The following LRBA variants were observed in gnomAD, a reference collection of about 807,000 sequenced individuals.
LRBA encodes lipopolysaccharide-responsive and beige-like anchor protein.
In LRBA, 176 loss-of-function variants were observed where a neutral mutation model predicts 330.0. That is an observed-to-expected ratio of 0.53 (90% confidence interval 0.47 to 0.60). The LOEUF (loss-of-function observed/expected upper bound fraction) is 0.60, where lower values mean the gene tolerates loss of function less well. Among genes scored for constraint, LRBA ranks in the 20% least tolerant of loss-of-function variants. The pLI, the probability that LRBA is intolerant of heterozygous loss-of-function variation, is 0.00. For synonymous variants in LRBA, 1,230 were observed against 1,193.0 expected, an observed-to-expected ratio of 1.03 and a Z score of -0.64; for missense variants, 3,259 against 3,444.8, an observed-to-expected ratio of 0.95 and a Z score of 1.35.
chr4:150,875,853 A>T (rs1490300569), intron 17 of LRBA, among the ~76,000 whole-genome samples: 2 of 152,360 alleles, frequency 1.3e-5, no homozygotes, highest in Middle Eastern at 3.4e-3. Context: ...CCATCAAAGG[A>T]TCACACTGGC....
chr4:150,832,852 C>T (rs1209769959), intron 28 of LRBA, among the ~76,000 whole-genome samples: 1 of 152,100 alleles, frequency 6.6e-6, no homozygotes, highest in East Asian at 1.9e-4. Flanking sequence ...TCACTGTACC[C>T]TTGAACTCCC....
chr4:150,992,727 G>C (rs1181215768), intron 2 of LRBA, among the ~76,000 whole-genome samples: 1 of 152,160 alleles, frequency 6.6e-6, no homozygotes, highest in Non-Finnish European at 1.5e-5. Flanking sequence ...AAGAACAAGT[G>C]ATCATCAATA....
chr4:150,717,675 G>GTAATAATAATAATAATAATAATAATAA lies in LRBA; in HGVS notation c.5754+17556_5754+17582dup, dbSNP rs10522737. Among the ~76,000 whole-genome samples the GTAATAATAATAATAATAATAATAATAA allele has an allele frequency of 7.2e-3, 1,005 of 139,742 alleles. 7 individuals are homozygous for GTAATAATAATAATAATAATAATAATAA. Among genetic ancestry groups the GTAATAATAATAATAATAATAATAATAA allele is most frequent in the Middle Eastern group, 0.026 (7 of 274 alleles). 91.7% of individuals were successfully genotyped at this position (139,742 alleles called of 152,430 possible). A position where few individuals can be genotyped will look rare whatever the true frequency, so the allele number is the denominator to read the frequency against. On this transcript the variant is annotated intron_variant, in intron 36 of 56. Coordinates refer to ENST00000651943, the MANE Select transcript of LRBA (RefSeq NM_001364905.1). ...ACTCTGTCTCAAAATAACAATAATA[G>GTAATAATAATAATAATAATAATAATAA]TAATAATAATAATAATAATAATAAT... is the stretch of plus-strand genomic sequence containing the variant.
intron 5 of LRBA, among the ~76,000 whole-genome samples, chr4:150,918,560 C>G (rs1477310543): frequency 6.6e-6 from 1 of 152,086 alleles, no homozygotes; most frequent in African/African-American, 2.4e-5. Flanking sequence ...ACCAGCCTGG[C>G]CAACATGGTG....
intron 37 of LRBA, among the ~76,000 whole-genome samples, chr4:150,660,201 TG>T (rs1160095081): frequency 8.0e-5 from 1 of 12,546 alleles, no homozygotes; most frequent in African/African-American, 1.1e-4. Flanking sequence ...CCGCCCCTAC[TG>T]GGAAGTGAGG....
chr4:150,867,105 CTTAAT>C (rs2126984534), intron 22 of LRBA, among the ~76,000 whole-genome samples: 1 of 134,968 alleles, frequency 7.4e-6, no homozygotes, highest in African/African-American at 2.9e-5. Context: ...CTTACTTTGG[CTTAAT>C]TTAAAAAAAA....
At chr4:150,823,126 G>A (rs962484811) in intron 30 of LRBA, among the ~76,000 whole-genome samples, 5 of 152,156 alleles carry the variant, frequency 3.3e-5, no homozygotes, top group African/African-American at 1.2e-4. Context: ...TTTAACTGGA[G>A]TGAGATGATA....
At chr4:150,941,826 G>A (rs533146065) in intron 2 of LRBA, among the ~76,000 whole-genome samples, 16 of 151,634 alleles carry the variant, frequency 1.1e-4, no homozygotes, top group African/African-American at 3.9e-4. Context: ...GGCGGAGGTT[G>A]CAGTGAGCAG....
intron 48 of LRBA, among the ~76,000 whole-genome samples, chr4:150,341,601 AC>A (rs1735576306): frequency 6.6e-6 from 1 of 151,894 alleles, no homozygotes; most frequent in Admixed American, 6.6e-5. Context: ...CACTGACTTA[AC>A]TCAAATTTCT....
chr4:151,014,634 G>A lies in LRBA; in HGVS notation c.9C>T (p.Ser3=). The A allele has an allele frequency of 1.3e-6, 2 of 1,592,638 alleles. No individual in the cohort carries two copies. The highest frequency in any genetic ancestry group is 1.7e-6 in the Non-Finnish European group (2 of 1,167,876). Reference sequence around the variant, plus strand: ...GCGGGGAAGGGACACGATTGTCTTCGCTAGCCATTGCTAGCTCACGATAAA... The same window carrying A: ...GCGGGGAAGGGACACGATTGTCTTCACTAGCCATTGCTAGCTCACGATAAA... The part of the protein sequence containing the change: MA[S]EDNRVPSPPP... The change falls in exon 2 of 57, where the codon AGC becomes AGT. Residue 3 remains serine, a synonymous_variant. Coordinates refer to ENST00000651943, the MANE Select transcript of LRBA (RefSeq NM_001364905.1).
chr4:151,010,321 A>G (rs1411206323), intron 2 of LRBA, among the ~76,000 whole-genome samples: 1 of 152,214 alleles, frequency 6.6e-6, no homozygotes, highest in Non-Finnish European at 1.5e-5. Flanking sequence ...ACATGCCAAC[A>G]TATATTAATT....
chr4:150,389,955 G>A (rs558188563), intron 47 of LRBA, among the ~76,000 whole-genome samples: 22 of 146,278 alleles, frequency 1.5e-4, no homozygotes, highest in African/African-American at 4.8e-4. Flanking sequence ...GAGAAGGAAC[G>A]GAGTATCTGC....
chr4:150,489,424 T>C (rs1434276315), intron 41 of LRBA, among the ~76,000 whole-genome samples: 1 of 52,860 alleles, frequency 1.9e-5, no homozygotes, highest in African/African-American at 5.6e-5. Flanking sequence ...ATAAAATATA[T>C]TACATATAAG....
intron 37 of LRBA, among the ~76,000 whole-genome samples, chr4:150,619,076 A>C (rs1307345298): frequency 6.6e-6 from 1 of 152,140 alleles, no homozygotes; most frequent in Non-Finnish European, 1.5e-5. Context: ...ATTATTTCTA[A>C]GTTTTATAAG....
rs1327253671 is a variant in LRBA, at chr4:150,683,608, T to C, written c.5864A>G (p.Gln1955Arg). Reference protein sequence around the residue: ...RDHVTATQLIQKIINILTDKH... With the variant: ...RDHVTATQLIRKIINILTDKH... ...GTCTGTGAGAATGTTGATAATTTTCTGGATTAGTTGAGTTGCTGTCACGTG... is the reference window on the plus strand; with the variant it reads ...GTCTGTGAGAATGTTGATAATTTTCCGGATTAGTTGAGTTGCTGTCACGTG... The change falls in exon 37 of 57, where the codon CAG (glutamine) becomes CGG (arginine). Residue 1955 changes from glutamine to arginine, a missense_variant. Gln to Arg is a conservative substitution (Grantham distance 43). Transcript: ENST00000651943. 1 of 1,613,976 alleles carries C rather than the reference T, an allele frequency of 6.2e-7. No individual in the cohort carries two copies. Among genetic ancestry groups the C allele is most frequent in the African/African-American group, 1.3e-5 (1 of 75,026 alleles).
chr4:150,943,205 A>T (rs1735867490), intron 2 of LRBA, among the ~76,000 whole-genome samples: 1 of 152,232 alleles, frequency 6.6e-6, no homozygotes, highest in Non-Finnish European at 1.5e-5. Context: ...TTAATATGCA[A>T]CTGTGCAGTA....
intron 4 of LRBA, among the ~76,000 whole-genome samples, chr4:150,926,838 C>T (rs1383376475): frequency 6.6e-6 from 1 of 151,936 alleles, no homozygotes; most frequent in African/African-American, 2.4e-5. Context: ...TTTGGGAGGC[C>T]AAGACGGGTG....
intron 47 of LRBA, among the ~76,000 whole-genome samples, chr4:150,376,963 G>A (rs756794298): frequency 4.6e-5 from 7 of 151,880 alleles, no homozygotes; most frequent in Non-Finnish European, 7.4e-5. Context: ...GGAAAAGGTC[G>A]GGGTGGGAGT....
intron 48 of LRBA, among the ~76,000 whole-genome samples, chr4:150,344,517 T>TA (rs1445940156): frequency 6.6e-6 from 1 of 152,218 alleles, no homozygotes; most frequent in Non-Finnish European, 1.5e-5. Flanking sequence ...AACATGGGGC[T>TA]ATGTCACCAA....
Sources: gnomAD v4.1 joint callset for allele counts (sites outside exome capture counted in the v4.1 genomes callset) on GRCh38, gnomAD v4.1.1 for gene constraint, MANE v1.5 for transcripts, NCBI Gene and HGNC (gene_info 2026-07-23, HGNC 2026-07-21) for gene names.